Variants in ADAMTSL1 observed in about 807,000 individuals in gnomAD.
The protein encoded by ADAMTSL1 is ADAMTS like 1.
In ADAMTSL1, 126 loss-of-function variants were observed where a neutral mutation model predicts 201.8. That is an observed-to-expected ratio of 0.62 (90% CI 0.54 to 0.72). The LOEUF (loss-of-function observed/expected upper bound fraction) is 0.72, where lower values mean the gene tolerates loss of function less well. Ranked by LOEUF, ADAMTSL1 falls within the 30% of genes least tolerant of loss-of-function variation. The pLI is 0.00. For missense variants in ADAMTSL1, 2,679 were observed against 2,277.8 expected (o/e 1.18, Z -3.59); for synonymous variants, 1,121 against 903.4 (o/e 1.24, Z -4.32).
At chr9:18,368,868 T>C (rs1836906475) in intron 2 of ADAMTSL1, among the ~76,000 whole-genome samples, 1 of 152,208 alleles carries the variant, frequency 6.6e-6, no homozygotes, top group Non-Finnish European at 1.5e-5. Context: ...AGGGCACTAC[T>C]ATTTTCTCCA....
chr9:18,770,780 A>G lies in ADAMTSL1; in HGVS notation c.2396A>G (p.Glu799Gly). Residue 799 changes from glutamate to glycine, a missense_variant and splice_region_variant, in exon 17 of 29, where the codon GAG becomes GGG. Transcript: ENST00000380548. ...PSEWLLSDWT[E>G]CSTSCGEGTQ... ...GAGTGGCTTCTCTCAGACTGGACAG[A>G]GGTATGTATGTTCCTCCGAAGAGAA... is the stretch of plus-strand genomic sequence containing the variant. The G allele has an allele frequency of 6.2e-7, 1 of 1,613,540 alleles. No individual in the cohort carries two copies. The highest frequency in any genetic ancestry group is 1.1e-5 in the South Asian group (1 of 90,992).
rs533337412 is a variant in ADAMTSL1 at position 18,845,576 on chromosome 9, A to C, written c.4249+15599A>C. On this transcript the variant is annotated intron_variant, in intron 23 of 28. Coordinates refer to ENST00000380548, the MANE Select transcript of ADAMTSL1 (RefSeq NM_001040272.6). ...GCCTGGCAGTGAGGCCACAGCTCAC[A>C]CATTGCAGTTGGGCAGTGGTATTCT... Among the ~76,000 whole-genome samples, 11 of 152,368 alleles carry C rather than the reference A, an allele frequency of 7.2e-5. No individual in the cohort carries two copies. In the South Asian group the frequency reaches 2.3e-3, roughly 32 times the overall value.
At chr9:18,905,435 T>C (rs1682682738) in intron 26 of ADAMTSL1, 1 of 260,228 alleles carries the variant, frequency 3.8e-6, no homozygotes, top group East Asian at 8.9e-5. Context: ...GGTGGAGCTA[T>C]TTAAGGGTCT....
chr9:18,017,481 C>T (rs946459686), intron 1 of ADAMTSL1, among the ~76,000 whole-genome samples: 4 of 151,896 alleles, frequency 2.6e-5, no homozygotes, highest in Non-Finnish European at 4.4e-5. Context: ...ACAGGATAGA[C>T]CATCAAGGAA....
intron 16 of ADAMTSL1, among the ~76,000 whole-genome samples, chr9:18,765,555 C>T (rs529727834): frequency 1.3e-5 from 2 of 152,316 alleles, no homozygotes; most frequent in South Asian, 4.1e-4. Context: ...TGTCACTCCA[C>T]TGTTCAGCTC....
chr9:18,039,099 C>G (rs912943283), intron 1 of ADAMTSL1, among the ~76,000 whole-genome samples: 1 of 152,100 alleles, frequency 6.6e-6, no homozygotes, highest in African/African-American at 2.4e-5. Context: ...AAAACTAACA[C>G]CAGCTGAGAA....
At chr9:18,312,655 T>C (rs1288678189) in intron 2 of ADAMTSL1, among the ~76,000 whole-genome samples, 2 of 152,184 alleles carry the variant, frequency 1.3e-5, no homozygotes, top group Admixed American at 6.5e-5. Context: ...TAGAAATGTG[T>C]AAGCTGGGAA....
intron 1 of ADAMTSL1, among the ~76,000 whole-genome samples, chr9:17,999,441 A>G (rs1380465799): frequency 6.6e-6 from 1 of 151,990 alleles, no homozygotes; most frequent in Non-Finnish European, 1.5e-5. Context: ...AGTTATCAGT[A>G]AGACTTTTGT....
chr9:18,260,939 C>G (rs1831894962), intron 2 of ADAMTSL1, among the ~76,000 whole-genome samples: 1 of 150,734 alleles, frequency 6.6e-6, no homozygotes, highest in Non-Finnish European at 1.5e-5. Context: ...ATGTTCAGCT[C>G]TATATATTTA....
intron 1 of ADAMTSL1, among the ~76,000 whole-genome samples, chr9:18,001,372 G>A (rs889722103): frequency 1.3e-5 from 2 of 151,866 alleles, no homozygotes; most frequent in Non-Finnish European, 2.9e-5. Context: ...TTGTCCCAGT[G>A]CTTAGATAAG....
chr9:18,864,402 G>A (rs1186045059), intron 23 of ADAMTSL1, among the ~76,000 whole-genome samples: 3 of 152,174 alleles, frequency 2.0e-5, no homozygotes, highest in African/African-American at 7.2e-5. Flanking sequence ...GCTAATGAAT[G>A]CCTGAGCTGG....
At chr9:18,050,605 G>C (rs1342740041) in intron 1 of ADAMTSL1, among the ~76,000 whole-genome samples, 1 of 152,140 alleles carries the variant, frequency 6.6e-6, no homozygotes, top group African/African-American at 2.4e-5. Context: ...AGAGTGTTGT[G>C]AAAGAAATGC....
At chr9:18,027,149 C>A (rs1464964342) in intron 1 of ADAMTSL1, among the ~76,000 whole-genome samples, 1 of 149,136 alleles carries the variant, frequency 6.7e-6, no homozygotes, top group Admixed American at 6.7e-5. Flanking sequence ...CTTGTTGATC[C>A]TTTCATAGAA....
At chr9:18,254,992 C>G (rs745739648) in intron 2 of ADAMTSL1, among the ~76,000 whole-genome samples, 10 of 151,994 alleles carry the variant, frequency 6.6e-5, no homozygotes, top group Non-Finnish European at 8.8e-5. Context: ...TATATTTTTT[C>G]TGTATTTAAA....
In ADAMTSL1 at chr9:18,588,884, C is replaced by CATATATATATATATATATATAT. The variant is rs754566534; in HGVS notation, c.474+14637_474+14638insTATATATATATATATATATATA. On this transcript the variant is annotated intron_variant, in intron 4 of 28. Coordinates refer to ENST00000380548, the MANE Select transcript of ADAMTSL1 (RefSeq NM_001040272.6). ...GCTTTGTGCCATATATATACATATA[C>CATATATATATATATATATATAT]ATATATATATATATATATACATATA... Among the ~76,000 whole-genome samples, 605 of 122,682 alleles carry CATATATATATATATATATATAT rather than the reference C, an allele frequency of 4.9e-3. 13 individuals carry two copies. The highest frequency in any genetic ancestry group is 0.014 in the Middle Eastern group (3 of 214). 80.5% of individuals were successfully genotyped at this position (122,682 alleles called of 152,430 possible).
chr9:18,403,874 T>C (rs941771498), intron 2 of ADAMTSL1, among the ~76,000 whole-genome samples: 1 of 152,172 alleles, frequency 6.6e-6, no homozygotes, highest in Non-Finnish European at 1.5e-5. Context: ...CTTCTACATA[T>C]GTTAACTTTG....
At chr9:18,058,638 C>T (rs1822303388) in intron 1 of ADAMTSL1, among the ~76,000 whole-genome samples, 1 of 151,990 alleles carries the variant, frequency 6.6e-6, no homozygotes, top group African/African-American at 2.4e-5. Context: ...TGTAAAATCC[C>T]ATACTTTTGA....
chr9:18,789,077 A>G (rs1010433192), intron 19 of ADAMTSL1, among the ~76,000 whole-genome samples: 1 of 151,898 alleles, frequency 6.6e-6, no homozygotes, highest in Non-Finnish European at 1.5e-5. Flanking sequence ...TTCCCTTTCT[A>G]TACACCCAAT....
At chr9:18,621,032 T>G (rs549247165) in intron 4 of ADAMTSL1, among the ~76,000 whole-genome samples, 1 of 152,232 alleles carries the variant, frequency 6.6e-6, no homozygotes, top group East Asian at 1.9e-4. Context: ...CTGGTCATAT[T>G]AACAACCAGA....
Sources: gnomAD v4.1 joint callset for allele counts (sites outside exome capture counted in the v4.1 genomes callset) on GRCh38, gnomAD v4.1.1 for gene constraint, MANE v1.5 for transcripts, NCBI Gene and HGNC (gene_info 2026-07-23, HGNC 2026-07-21) for gene names.